Variants in MBP observed in about 807,000 individuals in gnomAD.
MBP encodes myelin basic protein, also known as Golli-MBP.
In MBP, 16 loss-of-function variants were observed where a neutral mutation model predicts 35.8. The ratio of observed to expected loss-of-function variants is 0.45; its 90% CI spans 0.30 to 0.68. The LOEUF (loss-of-function observed/expected upper bound fraction) is 0.68, where lower values mean the gene tolerates loss of function less well. Among genes scored for constraint, MBP ranks in the 30% least tolerant of loss-of-function variants. The pLI is 0.08. For missense variants in MBP, 380 were observed against 404.7 expected (o/e 0.94, Z 0.52); for synonymous variants, 143 against 159.6 (o/e 0.90, Z 0.78).
intron 7 of MBP, chr18:76,986,951 T>TG: frequency 1.0e-6 from 1 of 985,440 alleles, no homozygotes; most frequent in South Asian, 4.7e-5. Flanking sequence ...GGGGGCTCTC[T>TG]GGAACTCCAG....
At chr18:77,130,495 G>A (rs1176299458) in intron 1 of MBP, among the ~76,000 whole-genome samples, 1 of 151,830 alleles carries the variant, frequency 6.6e-6, no homozygotes, top group African/African-American at 2.4e-5. Context: ...TCAAAAGAGA[G>A]TCTGGCAACG....
At chr18:77,071,874 G>A (rs544040904) in intron 2 of MBP, among the ~76,000 whole-genome samples, 6 of 152,304 alleles carry the variant, frequency 3.9e-5, no homozygotes, top group East Asian at 3.9e-4. Context: ...TGTCAATGGC[G>A]TAGGAAGTGC....
At chr18:77,084,211 T>C (rs1207470733) in intron 2 of MBP, among the ~76,000 whole-genome samples, 1 of 152,056 alleles carries the variant, frequency 6.6e-6, no homozygotes, top group East Asian at 1.9e-4. Context: ...TGTAGTGTAA[T>C]TAAGATGGCA....
At chr18:76,998,539 A>G (rs540691573) in intron 4 of MBP, among the ~76,000 whole-genome samples, 131 of 151,378 alleles carry the variant, frequency 8.7e-4, no homozygotes, top group African/African-American at 3.0e-3. Context: ...CCCTCGGGTG[A>G]CTCGCAGAAG....
Position 77,017,058 on chromosome 18 carries a change from A to G in MBP, c.350T>C (p.Leu117Pro). 2 of 1,612,564 alleles carry G rather than the reference A, an allele frequency of 1.2e-6. No individual in the cohort carries two copies. The highest frequency in any genetic ancestry group is 1.7e-6 in the Non-Finnish European group (2 of 1,179,078). The change falls in exon 4 of 9, where the codon CTC (leucine) becomes CCC (proline). Residue 117 changes from leucine (L) to proline (P), a missense_variant. Physicochemically the swap from Leu to Pro is moderately conservative, Grantham distance 98. Coordinates refer to ENST00000355994, the MANE Select transcript of MBP (RefSeq NM_001025101.2). The stretch of plus-strand genomic sequence containing the variant: ...TGCACTGTCTTCTTGGATGGTCTGG[A>G]GCTCGTCGGACTCAGAGGGCCTGTC... ...FKDRPSESDE[L>P]QTIQEDSAAT...
chr18:77,099,637 C>T (rs1347179915), intron 2 of MBP, among the ~76,000 whole-genome samples: 1 of 152,252 alleles, frequency 6.6e-6, no homozygotes, highest in Non-Finnish European at 1.5e-5. Flanking sequence ...CCATTGGCTA[C>T]CTGGCCTCGG....
chr18:77,124,884 C>T (rs1246518989), intron 1 of MBP, among the ~76,000 whole-genome samples: 1 of 152,192 alleles, frequency 6.6e-6, no homozygotes, highest in African/African-American at 2.4e-5. Context: ...AATTTTGTTC[C>T]TTAAATCTTT....
At chr18:77,116,188 A>G (rs1976654235) in intron 1 of MBP, among the ~76,000 whole-genome samples, 1 of 151,896 alleles carries the variant, frequency 6.6e-6, no homozygotes, top group South Asian at 2.1e-4. Context: ...TGCCTTTCAG[A>G]ACCTTCTGGA....
chr18:76,980,880 G>A (rs1320332781), intron 8 of MBP: 16 of 195,804 alleles, frequency 8.2e-5, no homozygotes, highest in Admixed American at 3.2e-4. Flanking sequence ...CTTCTTTTTC[G>A]GCGGGACCCT....
intron 1 of MBP, among the ~76,000 whole-genome samples, chr18:77,119,627 C>G (rs1348182796): frequency 6.6e-6 from 1 of 152,202 alleles, no homozygotes; most frequent in Admixed American, 6.5e-5. Flanking sequence ...GCTCAACACC[C>G]TCCATGTGTG....
At chr18:77,078,831 C>T (rs1008498673) in intron 2 of MBP, among the ~76,000 whole-genome samples, 2 of 152,218 alleles carry the variant, frequency 1.3e-5, no homozygotes, top group Non-Finnish European at 2.9e-5. Context: ...GAGGATGCCC[C>T]AATCCTGTGC....
intron 3 of MBP, among the ~76,000 whole-genome samples, chr18:77,019,215 G>T (rs1235900284): frequency 6.6e-6 from 1 of 152,228 alleles, no homozygotes; most frequent in Non-Finnish European, 1.5e-5. Context: ...GTATGTTATG[G>T]ATTGAATAGT....
chr18:77,016,947 G>C lies in MBP; in HGVS notation c.461C>G (p.Thr154Ser), dbSNP rs1217705477. The C allele has an allele frequency of 6.2e-7, 1 of 1,614,154 alleles. No homozygotes were observed. The highest frequency in any genetic ancestry group is 1.1e-5 in the South Asian group (1 of 91,080). The change falls in exon 4 of 9, where the codon ACC becomes AGC. Residue 154 changes from threonine to serine, a missense_variant. Thr to Ser is a moderately conservative substitution (Grantham distance 58). Coordinates refer to ENST00000355994, the MANE Select transcript of MBP (RefSeq NM_001025101.2). ...HGSKYLATAS[T>S]MDHARHGFLP... ...GAAGCCATGCCTGGCATGGTCCATG[G>C]TACTTGCTGTGGCCAGGTACTTGGA... is the stretch of plus-strand genomic sequence containing the variant.
At position 76,988,187 on chromosome 18, in the gene MBP, G is replaced by A. The variant is rs1187504340; in HGVS notation, c.750+308C>T. ...GGAAGTTAAACATTTTCTCGGACGT[G>A]GTGTTGCTCCCTCCCTGGGAGGGAG... is the stretch of plus-strand genomic sequence containing the variant. On this transcript the variant is annotated intron_variant, in intron 7 of 8. Coordinates refer to ENST00000355994, the MANE Select transcript of MBP (RefSeq NM_001025101.2). The surrounding 1 kb of genome is among the most constrained non-coding windows in gnomAD (Gnocchi z 5.2). 3 of 1,545,048 alleles carry A rather than the reference G, an allele frequency of 1.9e-6. No homozygotes were observed. The highest frequency in any genetic ancestry group is 2.6e-6 in the Non-Finnish European group (3 of 1,146,894).
intron 1 of MBP, among the ~76,000 whole-genome samples, chr18:77,117,901 T>G (rs71360996): frequency 5.4e-4 from 6 of 11,202 alleles, no homozygotes; most frequent in Admixed American, 3.4e-3. Context: ...AGGGGGGACA[T>G]TGGGTTGGGG....
rs577435075 is a variant in MBP, at chr18:77,082,189, C to A, written c.52-15804G>T. ...TTTTATAATAGCCGCAAGGTAGAAACTACCTAAATGTCCATCAACTAGTCA... is the reference window on the plus strand; with the variant it reads ...TTTTATAATAGCCGCAAGGTAGAAAATACCTAAATGTCCATCAACTAGTCA... On this transcript the variant is annotated intron_variant, in intron 2 of 8. Transcript: ENST00000355994. 4.6e-5 allele frequency among the ~76,000 whole-genome samples: 7 copies of A among 152,228 alleles called. No homozygotes were observed. In the South Asian group the frequency reaches 1.4e-3, roughly 32 times the overall value.
At chr18:77,097,033 A>C (rs1397727299) in intron 2 of MBP, among the ~76,000 whole-genome samples, 1 of 152,172 alleles carries the variant, frequency 6.6e-6, no homozygotes, top group Non-Finnish European at 1.5e-5. Context: ...GTTGGTGGGA[A>C]GTGGGGGAGC....
chr18:77,114,606 A>T (rs1976590043), intron 1 of MBP: 1 of 152,100 alleles, frequency 6.6e-6, no homozygotes, highest in Admixed American at 6.5e-5. Flanking sequence ...TGAGGAAACC[A>T]CTCTTGCTGT....
intron 3 of MBP, among the ~76,000 whole-genome samples, chr18:77,029,970 C>T (rs1000598518): frequency 2.0e-5 from 3 of 152,196 alleles, no homozygotes; most frequent in Non-Finnish European, 2.9e-5. Flanking sequence ...TAGACACAAT[C>T]TTAGGGGCCT....
Sources: allele counts gnomAD v4.1 joint callset (sites outside exome capture counted in the v4.1 genomes callset), GRCh38; gene constraint gnomAD v4.1.1; non-coding constraint Gnocchi (gnomAD v3.1); transcripts MANE v1.5; gene names NCBI Gene and HGNC (gene_info 2026-07-23, HGNC 2026-07-21).